LRRC24: variants seen among roughly 807,000 people sequenced by gnomAD.
LRRC24 encodes leucine-rich repeat-containing protein 24.
LRRC24 carries 19 observed loss-of-function variants against 15.3 expected under a neutral mutation model. The ratio of observed to expected loss-of-function variants is 1.25; its 90% confidence interval spans 0.87 to 1.83. The LOEUF (loss-of-function observed/expected upper bound fraction) is 1.83, where lower values mean the gene tolerates loss of function less well. LRRC24 is among the 40% of genes most tolerant of loss of function. LRRC24 has a pLI of 0.00. For missense variants in LRRC24, 914 were observed against 723.9 expected (o/e 1.26, Z -3.01); for synonymous variants, 469 against 359.6 (o/e 1.30, Z -3.44).
Position 144,522,750 on chromosome 8 carries a change from C to T in LRRC24, c.1267G>A (p.Ala423Thr), listed in dbSNP as rs1816166552. The T allele has an allele frequency of 1.3e-6, 2 of 1,585,166 alleles. No homozygotes were observed. The highest frequency in any genetic ancestry group is 1.8e-5 in the Admixed American group (1 of 56,918). Residue 423 changes from alanine to threonine, a missense_variant, in exon 5 of 5, where the codon GCC becomes ACC. By Grantham distance (58) the Ala-to-Thr change is moderately conservative. Transcript: ENST00000529415. ...LLALTALLLVAMICRRRRRRK... is the reference protein window; with the variant it reads ...LLALTALLLVTMICRRRRRRK... ...CTGCGGCGCCGGCGACAGATCATGG[C>T]GACCAGGAGCAGCGCCGTGAGCGCC...
chr8:144,524,970 G>A lies in LRRC24; in HGVS notation c.5C>T (p.Ala2Val). 1 of 1,462,284 alleles carries A rather than the reference G, an allele frequency of 6.8e-7. No individual in the cohort carries two copies. Among genetic ancestry groups the A allele is most frequent in the Non-Finnish European group, 9.0e-7 (1 of 1,108,058 alleles). The allele number at this position is 1,462,284 out of a possible 1,614,324, so 90.6% of individuals were successfully genotyped here. Residue 2 changes from alanine (A) to valine (V), a missense_variant, in exon 2 of 5, where the codon GCC (alanine) becomes GTC (valine). By Grantham distance (64) the Ala-to-Val change is moderately conservative. Coordinates refer to ENST00000529415, the MANE Select transcript of LRRC24 (RefSeq NM_001024678.4). M[A>V]LRAPALLPLL... The stretch of plus-strand genomic sequence containing the variant: ...CGGCAGCAGTGCGGGGGCCCTCAGG[G>A]CCATCTCCCGAGGCCCGGTTCCTCA...
chr8:144,525,288 C>T (rs532773897), intron 1 of LRRC24: 4 of 237,562 alleles, frequency 1.7e-5, no homozygotes, highest in East Asian at 7.6e-5. Flanking sequence ...CTGTCACCTT[C>T]TCCTTCTCCA....
chr8:144,526,792 G>A (rs1310448748), intron 1 of LRRC24, 168 bp downstream of exon 1: 2 of 152,266 alleles, frequency 1.3e-5, no homozygotes, highest in Admixed American at 6.5e-5. Context: ...TGCTACCCAC[G>A]AGAGCCGGTT....
rs368592908 is a variant in LRRC24 at position 144,523,429 on chromosome 8, G to C, written c.608-20C>G. The C allele has an allele frequency of 1.4e-5, 21 of 1,513,256 alleles. No homozygotes were observed. The African/African-American group carries it at 2.5e-4, about 18-fold the overall frequency. 93.7% of individuals were successfully genotyped at this position (1,513,256 alleles called of 1,614,324 possible). A position where few individuals can be genotyped will look rare whatever the true frequency, so the allele number is the denominator to read the frequency against. ...GGTTCTCTGTGGGAGAGCAGCGTTA[G>C]GCAGGTGGCTTGAGGGTGCTGCTAA... On this transcript the variant is annotated intron_variant, in intron 4 of 4. Coordinates refer to ENST00000529415, the MANE Select transcript of LRRC24 (RefSeq NM_001024678.4).
chr8:144,526,814 G>C (rs552066538), intron 1 of LRRC24, 146 bp downstream of exon 1: 69 of 152,364 alleles, frequency 4.5e-4, no homozygotes, highest in African/African-American at 1.6e-3. Context: ...ATTTTCGGCC[G>C]GGCTCAGGGA....
Position 144,524,797 on chromosome 8 carries a change from A to G in LRRC24, c.159+19T>C. ...CCCTGGGGGCACCCCGTCCTCCCGC[A>G]GCTCCACACGGTGCCCACCTGCGTC... On this transcript the variant is annotated intron_variant, in intron 2 of 4. Coordinates refer to ENST00000529415, the MANE Select transcript of LRRC24 (RefSeq NM_001024678.4). The G allele has an allele frequency of 2.8e-6, 4 of 1,441,078 alleles. No individual in the cohort carries two copies. The highest frequency in any genetic ancestry group is 1.5e-5 in the African/African-American group (1 of 68,048). The allele number at this position is 1,441,078 out of a possible 1,614,324, so 89.3% of individuals were successfully genotyped here.
In LRRC24 at chr8:144,524,697, T is replaced by A. The variant is rs1003796114; in HGVS notation, c.182A>T (p.Asn61Ile). 1.7e-5 allele frequency: 25 copies of A among 1,465,888 alleles called. No homozygotes were observed. Among genetic ancestry groups the A allele is most frequent in the Non-Finnish European group, 2.1e-5 (24 of 1,119,176 alleles). The allele number at this position is 1,465,888 out of a possible 1,614,324, so 90.8% of individuals were successfully genotyped here. A position where few individuals can be genotyped will look rare whatever the true frequency, so the allele number is the denominator to read the frequency against. ...GTQTLFLQDN[N>I]IARLEPGALA... ...GGCTCCCGGCTCTAGGCGGGCGATG[T>A]TGTTGTCCTGCAGGAACAGTGTCTG... is the stretch of plus-strand genomic sequence containing the variant. Residue 61 changes from asparagine to isoleucine, a missense_variant, in exon 3 of 5, where the codon AAC (asparagine) becomes ATC (isoleucine). Transcript: ENST00000529415.
In LRRC24 at chr8:144,524,153, CT is replaced by C; in HGVS notation, c.563del (p.Glu188GlyfsTer104). The C allele has an allele frequency of 6.2e-7, 1 of 1,610,000 alleles. No individual in the cohort carries two copies. On this transcript the variant is annotated frameshift_variant, in exon 4 of 5. Transcript: ENST00000529415. LOFTEE classifies it low-confidence loss of function (END_TRUNC). ...SRNQLGTISREALQPLASLQV... is the reference protein window; with the variant it reads ...SRNQLGTISRXALQPLASLQV... ...GCAGACTGGCCAGGGGCTGCAGGGC[CT>C]CTCGGCTGATGGTGCCCAGCTGGTT...
rs1362771005 is a variant in LRRC24 at position 144,522,408 on chromosome 8, T to G, written c.*67A>C. 7.3e-7 allele frequency: 1 copy of G among 1,369,536 alleles called. No homozygotes were observed. The highest frequency in any genetic ancestry group is 9.4e-7 in the Non-Finnish European group (1 of 1,068,914). 84.8% of individuals were successfully genotyped at this position (1,369,536 alleles called of 1,614,324 possible). ...CACACTGCGCGGCTTCCACCTTTAC[T>G]GACGGAGCATGCGCGAGGCCGCACC... On this transcript the variant is annotated 3_prime_UTR_variant, in exon 5 of 5. Coordinates refer to ENST00000529415, the MANE Select transcript of LRRC24 (RefSeq NM_001024678.4).
chr8:144,522,736 G>A lies in LRRC24; in HGVS notation c.1281C>T (p.Arg427=), dbSNP rs1301420596. The change falls in exon 5 of 5, where the codon CGC becomes CGT. Residue 427 remains arginine, a synonymous_variant. Coordinates refer to ENST00000529415, the MANE Select transcript of LRRC24 (RefSeq NM_001024678.4). ...GCGCCTTTTTTCGCCTGCGGCGCCG[G>A]CGACAGATCATGGCGACCAGGAGCA... is the stretch of plus-strand genomic sequence containing the variant. ...TALLLVAMIC[R]RRRRRKKARG... 5.0e-6 allele frequency: 8 copies of A among 1,590,844 alleles called. No homozygotes were observed. Among genetic ancestry groups the A allele is most frequent in the Non-Finnish European group, 6.0e-6 (7 of 1,170,366 alleles).
chr8:144,525,136 C>A lies in LRRC24; in HGVS notation c.-59-103G>T, dbSNP rs1393654757. On this transcript the variant is annotated intron_variant, in intron 1 of 4. Coordinates refer to ENST00000529415, the MANE Select transcript of LRRC24 (RefSeq NM_001024678.4). ...TAACTTTTGACGCTATAAATAGGTTCAAGAAACTAATAAAACGTTCTGGTT... is the reference window on the plus strand; with the variant it reads ...TAACTTTTGACGCTATAAATAGGTTAAAGAAACTAATAAAACGTTCTGGTT... 4.5e-6 allele frequency: 3 copies of A among 671,520 alleles called. No homozygotes were observed. The African/African-American group carries it at 5.7e-5, about 13-fold the overall frequency. 41.6% of individuals were successfully genotyped at this position (671,520 alleles called of 1,614,324 possible).
Position 144,522,451 on chromosome 8 carries a change from C to G in LRRC24, c.*24G>C, listed in dbSNP as rs745415569. ...GCCGCACCGGCCAATCTCCGGCGCC[C>G]ACGTCATCCGCGCGCCCGCGGCCCT... On this transcript the variant is annotated 3_prime_UTR_variant, in exon 5 of 5. Coordinates refer to ENST00000529415, the MANE Select transcript of LRRC24 (RefSeq NM_001024678.4). 1.1e-5 allele frequency: 15 copies of G among 1,397,012 alleles called. No individual in the cohort carries two copies. The highest frequency in any genetic ancestry group is 3.5e-5 in the Admixed American group (1 of 28,278). The allele number at this position is 1,397,012 out of a possible 1,614,324, so 86.5% of individuals were successfully genotyped here.
At position 144,524,918 on chromosome 8, in the gene LRRC24, G is replaced by T; in HGVS notation, c.57C>A (p.Arg19=). The change falls in exon 2 of 5, where the codon CGC becomes CGA. Residue 19 remains arginine (R), a synonymous_variant. Coordinates refer to ENST00000529415, the MANE Select transcript of LRRC24 (RefSeq NM_001024678.4). Reference sequence around the variant, plus strand: ...GGCAGGCTGCTGGGCAGCCGGCGGCGCGGAGCGGCAGTAGTAGCAGCAGCA... The same window carrying T: ...GGCAGGCTGCTGGGCAGCCGGCGGCTCGGAGCGGCAGTAGTAGCAGCAGCA... ...LPLLLLLLPL[R]AAGCPAACRC... 6.6e-7 allele frequency: 1 copy of T among 1,514,022 alleles called. No individual in the cohort carries two copies. The highest frequency in any genetic ancestry group is 1.2e-5 in the South Asian group (1 of 82,750). The allele number at this position is 1,514,022 out of a possible 1,614,324, so 93.8% of individuals were successfully genotyped here. A position where few individuals can be genotyped will look rare whatever the true frequency, so the allele number is the denominator to read the frequency against.
chr8:144,524,433 G>T lies in LRRC24; in HGVS notation c.438+8C>A. ...AGTATCCCGCCCCTTTAGACCCCAG[G>T]CGCTCACCGGCAGGTGCAAGAAGGT... On this transcript the variant is annotated splice_region_variant and intron_variant, in intron 3 of 4. Transcript: ENST00000529415. 6.3e-7 allele frequency: 1 copy of T among 1,597,734 alleles called. No individual in the cohort carries two copies. Among genetic ancestry groups the T allele is most frequent in the Non-Finnish European group, 8.5e-7 (1 of 1,179,740 alleles).
chr8:144,525,199 G>C, intron 1 of LRRC24, 166 bp from the exon 2 acceptor site: 1 of 441,266 alleles, frequency 2.3e-6, no homozygotes, highest in Non-Finnish European at 3.8e-6. Flanking sequence ...AAGCTCTGGG[G>C]CATCAGGTTC....
At chr8:144,526,722 C>G (rs904465456) in intron 1 of LRRC24, 5 of 152,396 alleles carry the variant, frequency 3.3e-5, no homozygotes, top group African/African-American at 9.6e-5. Context: ...GGTCTTTGGG[C>G]GGCCCTTGCG....
intron 1 of LRRC24, 91 bp downstream of exon 1, chr8:144,526,869 C>G (rs922282357): frequency 2.6e-5 from 4 of 152,278 alleles, no homozygotes; most frequent in African/African-American, 9.6e-5. Flanking sequence ...GACCCACGCC[C>G]TTCTCGGAGC....
chr8:144,524,598 A>C lies in LRRC24; in HGVS notation c.281T>G (p.Phe94Cys), dbSNP rs1203833605. The stretch of plus-strand genomic sequence containing the variant: ...CTCCAGCAGGCGCGGCTGCGCGCGG[A>C]AGGCGCCGGCCTCCAGGGCGCGCAG... The part of the protein sequence containing the change: ...NSLRALEAGA[F>C]RAQPRLLELA... The change falls in exon 3 of 5, where the codon TTC (phenylalanine) becomes TGC (cysteine). Residue 94 changes from phenylalanine to cysteine, a missense_variant. Physicochemically the swap from Phe to Cys is radical, Grantham distance 205. Transcript: ENST00000529415. 1 of 1,529,020 alleles carries C rather than the reference A, an allele frequency of 6.5e-7. No homozygotes were observed. The highest frequency in any genetic ancestry group is 8.7e-7 in the Non-Finnish European group (1 of 1,147,010). The allele number at this position is 1,529,020 out of a possible 1,614,324, so 94.7% of individuals were successfully genotyped here. A position where few individuals can be genotyped will look rare whatever the true frequency, so the allele number is the denominator to read the frequency against.
rs1323302142 is a variant in LRRC24, at chr8:144,523,189, G to A, written c.828C>T (p.Asp276=). The part of the protein sequence containing the change: ...PLELTANLGE[D]LRVACQASGY... Reference sequence around the variant, plus strand: ...CGGAGGCTTGGCAGGCAACCCGCAGGTCCTCACCCAGGTTGGCTGTGAGCT... The same window carrying A: ...CGGAGGCTTGGCAGGCAACCCGCAGATCCTCACCCAGGTTGGCTGTGAGCT... The change falls in exon 5 of 5, where the codon GAC becomes GAT. Residue 276 remains aspartate (D), a synonymous_variant. Coordinates refer to ENST00000529415, the MANE Select transcript of LRRC24 (RefSeq NM_001024678.4). The A allele has an allele frequency of 2.5e-6, 4 of 1,609,938 alleles. No homozygotes were observed. In the South Asian group the frequency reaches 4.4e-5, roughly 18 times the overall value.
Sources: allele counts gnomAD v4.1 joint callset, GRCh38; gene constraint gnomAD v4.1.1; transcripts MANE v1.5; gene names NCBI Gene and HGNC (gene_info 2026-07-23, HGNC 2026-07-21).